Variants in ZFHX3 observed in about 807,000 individuals in gnomAD.
ZFHX3 encodes the protein zinc finger homeobox 3, also known as zinc finger homeobox protein 3.
In ZFHX3, 42 loss-of-function variants were observed where a neutral mutation model predicts 279.1. The observed-to-expected ratio is 0.15, with a 90% confidence interval of 0.12 to 0.19. The LOEUF is 0.19. Among genes scored for constraint, ZFHX3 ranks in the 10% least tolerant of loss-of-function variants. The pLI is 1.00. For synonymous variants in ZFHX3, 2,293 were observed against 1,957.8 expected (o/e 1.17, Z -4.52); for missense variants, 4,981 against 4,754.0 (o/e 1.05, Z -1.40).
intron 1 of ZFHX3, among the ~76,000 whole-genome samples, chr16:73,813,208 A>G (rs1960471130): frequency 6.7e-6 from 1 of 149,374 alleles, no homozygotes; most frequent in South Asian, 2.1e-4. Flanking sequence ...TGCCAACTGT[A>G]TCATCCCTAC....
intron 3 of ZFHX3, among the ~76,000 whole-genome samples, chr16:73,444,141 A>G (rs1597337631): frequency 6.6e-6 from 1 of 152,172 alleles, no homozygotes. Context: ...CTTTTCCTCA[A>G]TAAAATATTA....
At chr16:73,856,433 C>T (rs1318037661) in intron 1 of ZFHX3, among the ~76,000 whole-genome samples, 2 of 152,124 alleles carry the variant, frequency 1.3e-5, no homozygotes, top group African/African-American at 2.4e-5. Flanking sequence ...ACCCCCACCC[C>T]TTGGCAAGGG....
intron 3 of ZFHX3, among the ~76,000 whole-genome samples, chr16:72,936,516 C>G (rs6499599): frequency 0.16 from 24,229 of 152,172 alleles, 3,089 homozygotes; most frequent in African/African-American, 0.35. Flanking sequence ...GCCTCTTTGA[C>G]GACCAGATAT....
chr16:73,507,139 A>G (rs1253353449), intron 2 of ZFHX3, among the ~76,000 whole-genome samples: 2 of 152,162 alleles, frequency 1.3e-5, no homozygotes, highest in Admixed American at 1.3e-4. Flanking sequence ...CTGCCTATAT[A>G]GCTTTTCTGA....
chr16:73,549,159 C>G (rs2020167365), intron 2 of ZFHX3, among the ~76,000 whole-genome samples: 1 of 152,042 alleles, frequency 6.6e-6, no homozygotes, highest in Admixed American at 6.5e-5. Context: ...TGAGGATCGT[C>G]TCAATCTAAT....
chr16:73,082,537 G>A (rs1484446848), intron 8 of ZFHX3, among the ~76,000 whole-genome samples: 2 of 152,122 alleles, frequency 1.3e-5, no homozygotes, highest in African/African-American at 4.8e-5. Context: ...CCAGAGTGCT[G>A]GGATTACAGA....
At chr16:73,831,149 A>G (rs1176949895) in intron 1 of ZFHX3, among the ~76,000 whole-genome samples, 4 of 152,250 alleles carry the variant, frequency 2.6e-5, no homozygotes, top group Non-Finnish European at 4.4e-5. Flanking sequence ...GGCAACTCCC[A>G]GGGTATTCAC....
chr16:73,052,878 G>A (rs1733653975), upstream of ZFHX3, among the ~76,000 whole-genome samples: 1 of 152,108 alleles, frequency 6.6e-6, no homozygotes, highest in Admixed American at 6.5e-5. Flanking sequence ...CTTTGGTCTG[G>A]GAGAAAAAGT....
intron 3 of ZFHX3, among the ~76,000 whole-genome samples, chr16:72,921,069 CAAAAAAAA>C (rs57294537): frequency 1.7e-4 from 4 of 23,586 alleles, no homozygotes; most frequent in Admixed American, 7.6e-4. Flanking sequence ...CAGACCTTGT[CAAAAAAAA>C]AAAAAAAAAA....
rs72795122 is a variant in ZFHX3 at position 72,938,494 on chromosome 16, G to A, written c.3216+11975C>T. On this transcript the variant is annotated intron_variant, in intron 3 of 9. Transcript: ENST00000268489. The stretch of plus-strand genomic sequence containing the variant: ...GGCCAGGAAAAGAAGACAGGCGTCC[G>A]AATGTGTTTGCGGGAGGCAGCGGGA... Among the ~76,000 whole-genome samples, 1,190 of 152,352 alleles carry A rather than the reference G, an allele frequency of 7.8e-3. 14 individuals carry two copies. The highest frequency in any genetic ancestry group is 0.023 in the Admixed American group (358 of 15,302).
At chr16:73,631,915 TCTCTCTCTCTCTCACACACACA>T (rs71156179) in intron 2 of ZFHX3, among the ~76,000 whole-genome samples, 13 of 107,714 alleles carry the variant, frequency 1.2e-4, no homozygotes, top group Non-Finnish European at 2.3e-4. Context: ...TCTCTCTCTC[TCTCTCTCTCTCTCACACACACA>T]CACACACACA....
chr16:72,940,387 T>C (rs1293809088), intron 3 of ZFHX3, among the ~76,000 whole-genome samples: 1 of 152,172 alleles, frequency 6.6e-6, no homozygotes, highest in Non-Finnish European at 1.5e-5. Context: ...CCTGTGCCTC[T>C]TGGGTCCTGA....
chr16:73,076,002 G>A (rs1965883761), intron 8 of ZFHX3, among the ~76,000 whole-genome samples: 1 of 152,134 alleles, frequency 6.6e-6, no homozygotes, highest in African/African-American at 2.4e-5. Context: ...TCCAGTGTTA[G>A]CTCTGCCACT....
intron 8 of ZFHX3, among the ~76,000 whole-genome samples, chr16:73,073,081 G>C (rs1965844789): frequency 1.3e-5 from 2 of 151,838 alleles, no homozygotes; most frequent in African/African-American, 2.4e-5. Context: ...TATTTTAGTA[G>C]AGACGAGGTT....
chr16:73,522,903 C>T (rs2019630295), intron 2 of ZFHX3, among the ~76,000 whole-genome samples: 4 of 152,228 alleles, frequency 2.6e-5, no homozygotes, highest in Admixed American at 2.0e-4. Context: ...ATGAGTGAAG[C>T]GGGGCATGGG....
At chr16:73,585,273 G>C (rs1185656672) in intron 2 of ZFHX3, among the ~76,000 whole-genome samples, 1 of 152,150 alleles carries the variant, frequency 6.6e-6, no homozygotes, top group Non-Finnish European at 1.5e-5. Flanking sequence ...AAAATTATCT[G>C]GGTGTGGTGG....
intron 2 of ZFHX3, among the ~76,000 whole-genome samples, chr16:73,674,481 C>T (rs1265306786): frequency 6.6e-6 from 1 of 152,220 alleles, no homozygotes; most frequent in Non-Finnish European, 1.5e-5. Context: ...AAGAGGGCAA[C>T]ACAGTCAAGA....
intron 2 of ZFHX3, among the ~76,000 whole-genome samples, chr16:73,570,035 A>T (rs538667644): frequency 2.0e-5 from 3 of 152,192 alleles, no homozygotes; most frequent in Non-Finnish European, 4.4e-5. Flanking sequence ...GAATATTAAA[A>T]GTCTTCTTTT....
chr16:73,714,276 C>A (rs925683872), intron 1 of ZFHX3, among the ~76,000 whole-genome samples: 1 of 151,970 alleles, frequency 6.6e-6, no homozygotes, highest in Non-Finnish European at 1.5e-5. Flanking sequence ...TTTTTTCCTG[C>A]AATTGTTCGC....
Sources: allele counts gnomAD v4.1 joint callset (sites outside exome capture counted in the v4.1 genomes callset), GRCh38; gene constraint gnomAD v4.1.1; transcripts MANE v1.5; gene names NCBI Gene and HGNC (gene_info 2026-07-23, HGNC 2026-07-21).